The following TNS1 variants were observed in gnomAD, a reference collection of about 807,000 sequenced individuals.
TNS1 encodes the protein tensin 1, also known as tensin-1.
Under a neutral mutation model 168.6 loss-of-function variants are expected in TNS1, and 62 were observed. The observed-to-expected ratio is 0.37, with a 90% CI of 0.30 to 0.45. The LOEUF is 0.45. Ranked by LOEUF, TNS1 falls within the 20% of genes least tolerant of loss-of-function variation. The probability of loss-of-function intolerance (pLI) is 1.00; values close to 1 mark genes in which losing one functional copy is unlikely to be tolerated. For synonymous variants in TNS1, 934 were observed against 933.2 expected (o/e 1.00, Z -0.02); for missense variants, 2,240 against 2,339.4 (o/e 0.96, Z 0.88).
Position 217,986,925 on chromosome 2 carries a change from G to A in TNS1, c.148+4017C>T, listed in dbSNP as rs1327705786. 1.3e-5 allele frequency: 2 copies of A among 152,252 alleles called. No individual in the cohort carries two copies. The highest frequency in any genetic ancestry group is 2.1e-4 in the South Asian group (1 of 4,828). 9.4% of individuals were successfully genotyped at this position (152,252 alleles called of 1,614,324 possible). A position where few individuals can be genotyped will look rare whatever the true frequency, so the allele number is the denominator to read the frequency against. On this transcript the variant is annotated intron_variant, in intron 2 of 32. Transcript: ENST00000682258. This position sits in a 1 kb window ranked among gnomAD's most constrained non-coding sequence, Gnocchi z 4.7. ...TGATTGCCAGATGGCTGCACGCAGC[G>A]CGGAGGAGGTGAGCAGCAGCCTGCG...
upstream of TNS1, among the ~76,000 whole-genome samples, chr2:218,011,470 G>C (rs1958705260): frequency 6.6e-6 from 1 of 152,098 alleles, no homozygotes; most frequent in Admixed American, 6.5e-5. Flanking sequence ...CTGCCAGGGG[G>C]CCTCTTCCGC....
chr2:217,950,781 G>A (rs955956651), intron 3 of TNS1, among the ~76,000 whole-genome samples: 6 of 150,886 alleles, frequency 4.0e-5, no homozygotes, highest in Admixed American at 6.6e-5. Context: ...TCACCCGCAC[G>A]GCCCTCTTCC....
At chr2:218,023,724 C>T (rs563057061) in intron 1 of TNS1, among the ~76,000 whole-genome samples, 10 of 152,342 alleles carry the variant, frequency 6.6e-5, no homozygotes, top group South Asian at 4.1e-4. Flanking sequence ...CAGTATCAGT[C>T]GGTGGCAGAG....
chr2:217,828,347 G>C (rs1435789790), intron 22 of TNS1, among the ~76,000 whole-genome samples: 1 of 152,244 alleles, frequency 6.6e-6, no homozygotes, highest in East Asian at 1.9e-4. Flanking sequence ...AGCAGATTTA[G>C]AGGAGCACAG....
chr2:217,850,210 C>A (rs923244380), intron 18 of TNS1: 45 of 985,252 alleles, frequency 4.6e-5, no homozygotes, highest in Non-Finnish European at 5.2e-5. Context: ...GCCCGGGGGC[C>A]CCTGAAGAAC....
chr2:217,895,967 C>T (rs1952250872), intron 8 of TNS1, among the ~76,000 whole-genome samples: 1 of 152,258 alleles, frequency 6.6e-6, no homozygotes, highest in South Asian at 2.1e-4. Flanking sequence ...TGCATCCACT[C>T]TTGCACTCTG....
chr2:217,836,076 T>G lies in TNS1; in HGVS notation c.3143A>C (p.Gln1048Pro). ...AAGAGCCAGCTCCGGGGAGACACAC[T>G]GGACAGGGGAGCGAACCCCAGGGCT... ...PRSPGVRSPV[Q>P]CVSPELALTI... The change falls in exon 20 of 33, where the codon CAG (glutamine) becomes CCG (proline). Residue 1048 changes from glutamine (Q) to proline (P), a missense_variant. This residue lies in a region of TNS1 where 2,131 missense variants were observed against 2,171.2 expected (regional missense o/e 0.98). Coordinates refer to ENST00000682258, the MANE Select transcript of TNS1 (RefSeq NM_001387777.1). 3 of 1,614,012 alleles carry G rather than the reference T, an allele frequency of 1.9e-6. No homozygotes were observed. The highest frequency in any genetic ancestry group is 2.5e-6 in the Non-Finnish European group (3 of 1,179,948).
intron 3 of TNS1, among the ~76,000 whole-genome samples, chr2:217,924,083 GC>G (rs1185986218): frequency 3.3e-5 from 5 of 152,148 alleles, no homozygotes; most frequent in Non-Finnish European, 7.3e-5. Context: ...TCTATGCTCA[GC>G]CCCCTTGTCC....
intron 18 of TNS1, chr2:217,849,570 A>T (rs1947181937): frequency 1.1e-6 from 1 of 869,572 alleles, no homozygotes. Context: ...TGGGAGTTCA[A>T]CAGCTGGGAG....
intron 24 of TNS1, chr2:217,815,269 G>A (rs757165545): frequency 6.4e-5 from 26 of 407,454 alleles, no homozygotes; most frequent in Admixed American, 1.7e-4. Context: ...GGGGTGATGC[G>A]TCTACATGCC....
intron 2 of TNS1, among the ~76,000 whole-genome samples, chr2:217,990,107 T>A (rs1958321202): frequency 8.6e-6 from 1 of 116,176 alleles, no homozygotes; most frequent in Non-Finnish European, 1.8e-5. Context: ...TCAACACACA[T>A]CATCCACACG....
intron 29 of TNS1, 106 bp from the exon 30 acceptor site, chr2:217,810,097 C>A: frequency 6.7e-7 from 1 of 1,485,424 alleles, no homozygotes; most frequent in Admixed American, 1.9e-5. Flanking sequence ...TTCAGGCTAG[C>A]CTTGAGCCAA....
chr2:217,859,721 C>T (rs1175623001), intron 18 of TNS1: 2 of 1,524,096 alleles, frequency 1.3e-6, no homozygotes, highest in Admixed American at 3.9e-5. Flanking sequence ...TCATGAATAG[C>T]AGAGTATCAC....
chr2:218,007,174 G>A (rs1158810515), upstream of TNS1, among the ~76,000 whole-genome samples: 1 of 151,104 alleles, frequency 6.6e-6, no homozygotes, highest in Non-Finnish European at 1.5e-5. Flanking sequence ...CCAACAGCAC[G>A]AGACCCAGGA....
intron 6 of TNS1, chr2:217,905,327 G>T: frequency 2.3e-6 from 1 of 434,434 alleles, no homozygotes; most frequent in Non-Finnish European, 4.6e-6. Flanking sequence ...TAATTTAAGA[G>T]GCATGCTCCC....
chr2:217,928,745 A>G (rs985694254), intron 3 of TNS1, among the ~76,000 whole-genome samples: 5 of 151,486 alleles, frequency 3.3e-5, no homozygotes, highest in Admixed American at 2.0e-4. Flanking sequence ...CCATCAACCT[A>G]TCCCCAAAGC....
At chr2:217,978,652 G>A in intron 3 of TNS1, 113 bp downstream of exon 3, 1 of 622,990 alleles carries the variant, frequency 1.6e-6, no homozygotes, top group Non-Finnish European at 2.9e-6. Flanking sequence ...AAAGAGAGGA[G>A]GAGGGACGCC....
intron 18 of TNS1, among the ~76,000 whole-genome samples, chr2:217,864,541 A>G (rs1411688880): frequency 6.6e-6 from 1 of 152,218 alleles, no homozygotes; most frequent in Non-Finnish European, 1.5e-5. Flanking sequence ...GGAGGAGGCA[A>G]AGGTTTAGAT....
intron 19 of TNS1, among the ~76,000 whole-genome samples, chr2:217,847,271 C>T (rs754973928): frequency 6.6e-5 from 10 of 152,202 alleles, no homozygotes; most frequent in African/African-American, 2.4e-4. Context: ...GCTCACTAGA[C>T]TGTAAATTTC....
Sources: allele counts gnomAD v4.1 joint callset (sites outside exome capture counted in the v4.1 genomes callset), GRCh38; gene constraint gnomAD v4.1.1; regional missense constraint gnomAD v4.1.1; non-coding constraint Gnocchi (gnomAD v3.1); transcripts MANE v1.5; gene names NCBI Gene and HGNC (gene_info 2026-07-23, HGNC 2026-07-21).